Variants in MYT1L observed in about 807,000 individuals in gnomAD.
The protein encoded by MYT1L is myelin transcription factor 1-like protein.
Under a neutral mutation model 126.7 loss-of-function variants are expected in MYT1L, and 12 were observed. That is an observed-to-expected ratio of 0.09 (90% CI 0.06 to 0.15). The LOEUF is 0.15. Ranked by LOEUF, MYT1L falls within the 10% of genes least tolerant of loss-of-function variation. The pLI, the probability that MYT1L is intolerant of heterozygous loss-of-function variation, is 1.00. For synonymous variants in MYT1L, 541 were observed against 604.2 expected, an observed-to-expected ratio of 0.90 and a Z score of 1.53; for missense variants, 979 against 1,585.2, an observed-to-expected ratio of 0.62 and a Z score of 6.49.
At chr2:1,872,162 G>A (rs1281382217) in intron 18 of MYT1L, among the ~76,000 whole-genome samples, 18 of 152,020 alleles carry the variant, frequency 1.2e-4, no homozygotes, top group Non-Finnish European at 2.1e-4. Flanking sequence ...CTACATGAAC[G>A]GGAAACAGAA....
chr2:1,812,061 T>C (rs757853068), intron 21 of MYT1L, among the ~76,000 whole-genome samples: 2 of 152,240 alleles, frequency 1.3e-5, no homozygotes, highest in Non-Finnish European at 2.9e-5. Context: ...TTCCTGCCAC[T>C]GGACACACTG....
chr2:2,037,487 G>A (rs1029949145), intron 4 of MYT1L, among the ~76,000 whole-genome samples: 1 of 151,154 alleles, frequency 6.6e-6, no homozygotes, highest in Non-Finnish European at 1.5e-5. Flanking sequence ...CAGGGACGGC[G>A]GCTCATGCCT....
At position 2,114,356 on chromosome 2, in the gene MYT1L, T is replaced by A. The variant is rs77550538; in HGVS notation, c.-304+58516A>T. On this transcript the variant is annotated intron_variant, in intron 3 of 24. Transcript: ENST00000647738. Reference sequence around the variant, plus strand: ...AAGTCTGTGTCTTTCTGTTCGTTTGTTCTGGGGAGTCCGTCCTATGTTGAC... The same window carrying A: ...AAGTCTGTGTCTTTCTGTTCGTTTGATCTGGGGAGTCCGTCCTATGTTGAC... Among the ~76,000 whole-genome samples the A allele has an allele frequency of 9.8e-3, 1,495 of 152,320 alleles. 16 individuals are homozygous for A. The highest frequency in any genetic ancestry group is 0.034 in the African/African-American group (1,418 of 41,562).
chr2:2,203,783 A>G (rs2093187756), intron 2 of MYT1L, among the ~76,000 whole-genome samples: 1 of 152,212 alleles, frequency 6.6e-6, no homozygotes, highest in Non-Finnish European at 1.5e-5. Context: ...ATGGAACCAA[A>G]AAAGAGCCCA....
chr2:1,939,626 G>T (rs769856546), intron 9 of MYT1L, among the ~76,000 whole-genome samples: 12 of 152,210 alleles, frequency 7.9e-5, no homozygotes, highest in Non-Finnish European at 1.8e-4. Flanking sequence ...ACAGGAGATG[G>T]GCTGATGTAT....
At chr2:1,845,706 G>A (rs865824546) in intron 19 of MYT1L, among the ~76,000 whole-genome samples, 1 of 152,294 alleles carries the variant, frequency 6.6e-6, no homozygotes, top group African/African-American at 2.4e-5. Context: ...CCTGCACTTG[G>A]GTGAATACCC....
At chr2:1,810,855 G>A (rs4853830) in intron 21 of MYT1L, among the ~76,000 whole-genome samples, 87,182 of 151,980 alleles carry the variant, frequency 0.57, 25,233 homozygotes, top group South Asian at 0.71. Context: ...TGTGATGTTT[G>A]CATCTCATAA....
At chr2:2,081,612 A>G (rs1486751273) in intron 3 of MYT1L, among the ~76,000 whole-genome samples, 1 of 152,244 alleles carries the variant, frequency 6.6e-6, no homozygotes, top group Non-Finnish European at 1.5e-5. Flanking sequence ...ACAAGCATGT[A>G]CTGAAAATCT....
At chr2:1,833,815 G>C (rs1242997454) in intron 21 of MYT1L, among the ~76,000 whole-genome samples, 1 of 151,672 alleles carries the variant, frequency 6.6e-6, no homozygotes, top group African/African-American at 2.4e-5. Context: ...TTTCAGACAC[G>C]ACTCAGCTCA....
chr2:1,975,247 T>TGCCAGATCCCACCGCCAGATCCCACC (rs1553373539), intron 8 of MYT1L, among the ~76,000 whole-genome samples: 33,824 of 149,720 alleles, frequency 0.23, 3,840 homozygotes, highest in East Asian at 0.31. Context: ...CCAAACAGAC[T>TGCCAGATCCCACCGCCAGATCCCACC]GCCAGATCCC....
chr2:1,921,109 GC>G (rs1453756828), intron 10 of MYT1L, among the ~76,000 whole-genome samples: 20 of 152,306 alleles, frequency 1.3e-4, no homozygotes, highest in African/African-American at 4.1e-4. Flanking sequence ...AATTTATACA[GC>G]AACTGATTTT....
intron 3 of MYT1L, among the ~76,000 whole-genome samples, chr2:2,113,945 A>C (rs2079848600): frequency 6.6e-6 from 1 of 152,176 alleles, no homozygotes; most frequent in Admixed American, 6.5e-5. Flanking sequence ...CCTCCATTAC[A>C]CAGATAGGAA....
intron 3 of MYT1L, among the ~76,000 whole-genome samples, chr2:2,074,964 C>A (rs2075053219): frequency 6.6e-6 from 1 of 152,136 alleles, no homozygotes; most frequent in Admixed American, 6.5e-5. Context: ...AGTTACGATC[C>A]TTATAGACGA....
chr2:1,920,666 TA>T (rs1362289262), intron 10 of MYT1L, among the ~76,000 whole-genome samples: 1 of 152,168 alleles, frequency 6.6e-6, no homozygotes, highest in Non-Finnish European at 1.5e-5. Context: ...TTCCCCAAAA[TA>T]AAAATGTTTC....
intron 3 of MYT1L, among the ~76,000 whole-genome samples, chr2:2,111,740 C>A (rs1260375871): frequency 1.3e-5 from 2 of 152,220 alleles, no homozygotes; most frequent in East Asian, 3.9e-4. Context: ...TGAATATTTT[C>A]TCTTTCTTTA....
rs745660102 is a variant in MYT1L at position 1,859,518 on chromosome 2, TGA to T, written c.2712-7817_2712-7816del. 2.0e-4 allele frequency among the ~76,000 whole-genome samples: 31 copies of T among 152,336 alleles called. 1 individual carries two copies. Among genetic ancestry groups the T allele is most frequent in the Admixed American group, 9.8e-4 (15 of 15,306 alleles). ...AGTTCTGGTTGTAGGGCCTTGTGGCTGAGAGTGTGCAAGAACTGTGAAGTTAT... is the reference window on the plus strand; with the variant it reads ...AGTTCTGGTTGTAGGGCCTTGTGGCTGAGTGTGCAAGAACTGTGAAGTTAT... On this transcript the variant is annotated intron_variant, in intron 18 of 24. Coordinates refer to ENST00000647738, the MANE Select transcript of MYT1L (RefSeq NM_001303052.2).
chr2:2,242,333 T>C (rs1238668858), intron 2 of MYT1L, among the ~76,000 whole-genome samples: 1 of 152,214 alleles, frequency 6.6e-6, no homozygotes, highest in Non-Finnish European at 1.5e-5. Context: ...TCCAATATTA[T>C]TAACAGAGTG....
At chr2:2,144,539 T>C (rs1013541011) in intron 3 of MYT1L, among the ~76,000 whole-genome samples, 2 of 152,168 alleles carry the variant, frequency 1.3e-5, no homozygotes, top group African/African-American at 4.8e-5. Context: ...TTCTAAGCTG[T>C]GAGTGAAGTG....
In MYT1L at chr2:1,794,879, A is replaced by G. The variant is rs896862482; in HGVS notation, c.3277-2415T>C. 3.7e-4 allele frequency among the ~76,000 whole-genome samples: 57 copies of G among 152,322 alleles called. 1 individual carries two copies. Among genetic ancestry groups the G allele is most frequent in the African/African-American group, 1.3e-3 (52 of 41,562 alleles). On this transcript the variant is annotated intron_variant, in intron 23 of 24. Coordinates refer to ENST00000647738, the MANE Select transcript of MYT1L (RefSeq NM_001303052.2). ...AATATGCAGTTTGAACAAACATCCC[A>G]TCAAAGCCCTGGCCAAAATGATAAT...
Sources: allele counts gnomAD v4.1 joint callset (sites outside exome capture counted in the v4.1 genomes callset), GRCh38; gene constraint gnomAD v4.1.1; transcripts MANE v1.5; gene names NCBI Gene and HGNC (gene_info 2026-07-23, HGNC 2026-07-21).